Variants in MAP7D2 observed in about 807,000 individuals in gnomAD.
MAP7D2 encodes the protein MAP7 domain-containing protein 2.
Under a neutral mutation model 63.5 loss-of-function variants are expected in MAP7D2, and 33 were observed. That is an observed-to-expected ratio of 0.52 (90% confidence interval 0.39 to 0.70). MAP7D2 has a LOEUF of 0.70. Among genes scored for constraint, MAP7D2 ranks in the 30% least tolerant of loss-of-function variants. MAP7D2 has a pLI of 0.00. For missense variants in MAP7D2, 626 were observed against 604.0 expected, an observed-to-expected ratio of 1.04 and a Z score of -0.38; for synonymous variants, 224 against 223.7, an observed-to-expected ratio of 1.00 and a Z score of -0.01.
rs1569516359 is a variant in MAP7D2, at chrX:20,027,760, GAGA to G, written c.1008-1811_1008-1809del. Among the ~76,000 whole-genome samples the G allele has an allele frequency of 9.3e-3, 479 of 51,561 alleles. 3 individuals are homozygous for G. Among genetic ancestry groups the G allele is most frequent in the African/African-American group, 0.01 (56 of 5,590 alleles). The allele number at this position is 51,561 out of a possible 115,157, so 44.8% of individuals were successfully genotyped here. ...GAGAGGGAGAGAGAAGGCGGGGGGA[GAGA>G]GAGAGAGAGAGAGAGAGAGAGAGAG... On this transcript the variant is annotated intron_variant, in intron 8 of 16. Coordinates refer to ENST00000379643, the MANE Select transcript of MAP7D2 (RefSeq NM_001168465.2).
intron 3 of MAP7D2, among the ~76,000 whole-genome samples, chrX:20,060,247 T>C (rs2148359607): frequency 9.1e-6 from 1 of 110,004 alleles, no homozygotes; most frequent in South Asian, 3.9e-4. Context: ...CTTGAACTCC[T>C]GACCTCAGGT....
chrX:20,020,324 A>C (rs916648555), intron 10 of MAP7D2, among the ~76,000 whole-genome samples: 1 of 110,834 alleles, frequency 9.0e-6, no homozygotes, highest in African/African-American at 3.3e-5. Context: ...CTCGGGAATC[A>C]CAAGCAACCC....
intron 1 of MAP7D2, among the ~76,000 whole-genome samples, chrX:20,083,861 C>G (rs1025060536): frequency 1.8e-5 from 2 of 111,146 alleles, no homozygotes; most frequent in Non-Finnish European, 3.8e-5. Flanking sequence ...GGGTACAGGT[C>G]AGGGATGCTG....
chrX:20,016,049 G>T (rs1301551755), intron 11 of MAP7D2, 45 bp downstream of exon 11: 3 of 1,063,218 alleles, frequency 2.8e-6, no homozygotes, highest in Admixed American at 2.3e-5. Context: ...TACTATCAAG[G>T]TCCTTAAAAA....
chrX:20,070,239 G>A (rs2065467676), intron 1 of MAP7D2, among the ~76,000 whole-genome samples: 3 of 109,628 alleles, frequency 2.7e-5, no homozygotes, highest in Non-Finnish European at 3.8e-5. Flanking sequence ...GAGCCACCGC[G>A]CCTGGCCTCG....
At chrX:20,067,300 G>A (rs1311246901) in intron 1 of MAP7D2, among the ~76,000 whole-genome samples, 2 of 112,079 alleles carry the variant, frequency 1.8e-5, no homozygotes, top group East Asian at 2.8e-4. Flanking sequence ...ACTTGAAACT[G>A]CCCACATTAC....
chrX:20,010,780 T>C lies in MAP7D2; in HGVS notation c.*23A>G, dbSNP rs376622738. On this transcript the variant is annotated 3_prime_UTR_variant, in exon 16 of 17. Coordinates refer to ENST00000379643, the MANE Select transcript of MAP7D2 (RefSeq NM_001168465.2). ...GAATATAATCAAAAGACTGTACCTT[T>C]TATTAAAGGGATGCTGTATTTGTCA... 1.3e-4 allele frequency: 152 copies of C among 1,192,397 alleles called. 1 individual carries two copies. The African/African-American group carries it at 2.5e-3, about 20-fold the overall frequency.
chrX:20,070,634 G>A (rs1341963645), intron 1 of MAP7D2, among the ~76,000 whole-genome samples: 1 of 110,737 alleles, frequency 9.0e-6, no homozygotes, highest in African/African-American at 3.3e-5. Context: ...GTTTCCCAGG[G>A]CAACAGCATC....
chrX:20,024,730 T>C (rs1156556524), intron 10 of MAP7D2, among the ~76,000 whole-genome samples: 1 of 111,512 alleles, frequency 9.0e-6, no homozygotes, highest in Non-Finnish European at 1.9e-5. Flanking sequence ...GAGCTATGAG[T>C]TTCCAGGTCC....
Position 20,031,934 on chromosome X carries a change from T to C in MAP7D2, c.1008-5982A>G, listed in dbSNP as rs1428953982. ...TCTGCAAGTTACTCTCAAACGGTTC[T>C]GGGAGAAATCTGGGTATGTATGTCT... is the stretch of plus-strand genomic sequence containing the variant. On this transcript the variant is annotated intron_variant, in intron 8 of 16. Coordinates refer to ENST00000379643, the MANE Select transcript of MAP7D2 (RefSeq NM_001168465.2). 6.3e-5 allele frequency among the ~76,000 whole-genome samples: 7 copies of C among 111,779 alleles called. No homozygotes were observed. In the Admixed American group the frequency reaches 6.7e-4, roughly 11 times the overall value.
At chrX:20,027,752 C>A (rs1210208190) in intron 8 of MAP7D2, among the ~76,000 whole-genome samples, 1 of 47,999 alleles carries the variant, frequency 2.1e-5, no homozygotes, top group Admixed American at 2.5e-4. Flanking sequence ...AGAGAGAAGG[C>A]GGGGGGAGAG....
chrX:20,044,082 G>A (rs2064731174), intron 7 of MAP7D2, among the ~76,000 whole-genome samples: 1 of 112,380 alleles, frequency 8.9e-6, no homozygotes, highest in South Asian at 3.7e-4. Context: ...GGAAGACAGA[G>A]GATATTTAGA....
intron 1 of MAP7D2, among the ~76,000 whole-genome samples, chrX:20,097,587 G>A (rs1021132962): frequency 1.8e-5 from 2 of 112,231 alleles, no homozygotes; most frequent in Non-Finnish European, 3.8e-5. Flanking sequence ...ATTAGGCAAC[G>A]AATAAAAAGG....
At chrX:20,089,975 A>G (rs1217555366) in intron 1 of MAP7D2, among the ~76,000 whole-genome samples, 1 of 111,210 alleles carries the variant, frequency 9.0e-6, no homozygotes, top group Non-Finnish European at 1.9e-5. Context: ...ATCAAGTTTT[A>G]GAACACTTCC....
At chrX:20,059,617 AGGAAGGAAGGGT>A (rs2065148986) in intron 3 of MAP7D2, among the ~76,000 whole-genome samples, 1 of 102,644 alleles carries the variant, frequency 9.7e-6, no homozygotes, top group African/African-American at 3.6e-5. Context: ...GAAGGAAGGA[AGGAAGGAAGGGT>A]GGAAGGAAGG....
intron 8 of MAP7D2, 74 bp from the exon 9 acceptor site, chrX:20,026,026 G>C (rs1446049869): frequency 9.4e-7 from 1 of 1,059,608 alleles, no homozygotes; most frequent in Non-Finnish European, 1.3e-6. Flanking sequence ...AAGACACCTA[G>C]TTCCAACAAG....
intron 1 of MAP7D2, among the ~76,000 whole-genome samples, chrX:20,079,052 C>A (rs774144047): frequency 9.0e-6 from 1 of 110,820 alleles, no homozygotes; most frequent in Admixed American, 9.7e-5. Context: ...GTAACAACTA[C>A]AGCAACAAAC....
intron 3 of MAP7D2, among the ~76,000 whole-genome samples, chrX:20,059,598 G>A (rs1438435132): frequency 7.7e-5 from 7 of 91,277 alleles, no homozygotes; most frequent in African/African-American, 3.2e-4. Flanking sequence ...GTGGAAGGAA[G>A]GAAGGAAGGA....
chrX:20,037,672 T>C (rs1392799055), intron 8 of MAP7D2, among the ~76,000 whole-genome samples: 6 of 112,038 alleles, frequency 5.4e-5, no homozygotes, highest in Non-Finnish European at 1.1e-4. Flanking sequence ...GATTATATAC[T>C]GATTCATGGG....
Sources: gnomAD v4.1 joint callset for allele counts (sites outside exome capture counted in the v4.1 genomes callset) on GRCh38, gnomAD v4.1.1 for gene constraint, MANE v1.5 for transcripts, NCBI Gene and HGNC (gene_info 2026-07-23, HGNC 2026-07-21) for gene names.